OR4D9: variants seen among roughly 807,000 people sequenced by gnomAD.
OR4D9 encodes the protein olfactory receptor 4D9.
A neutral mutation model predicts 0.8 loss-of-function variants in OR4D9; 2 were observed. The ratio of observed to expected loss-of-function variants is 2.58; its 90% CI spans 1.06 to 8.13. The LOEUF is 8.13. Among genes scored for constraint, OR4D9 ranks in the 30% most tolerant of loss-of-function variants. OR4D9 has a pLI of 0.04. For missense variants in OR4D9, 399 were observed against 384.7 expected, an observed-to-expected ratio of 1.04 and a Z score of -0.31; for synonymous variants, 146 against 151.2, an observed-to-expected ratio of 0.97 and a Z score of 0.25.
In OR4D9 at chr11:59,514,968, A is replaced by T; in HGVS notation, c.56A>T (p.Gln19Leu). The change falls in exon 3 of 3, where the codon CAG (glutamine) becomes CTG (leucine). Residue 19 changes from glutamine (Q) to leucine (L), a missense_variant. Gln to Leu is a moderately radical substitution (Grantham distance 113, BLOSUM62 -2). Coordinates refer to ENST00000641962, the MANE Select transcript of OR4D9 (RefSeq NM_001004711.2). ...VKEFTFLGIT[Q>L]SRELSQVLFT... ...GAATTTACCTTCCTGGGAATTACTC[A>T]GTCCCGAGAACTGAGCCAGGTCTTA... The T allele has an allele frequency of 6.2e-7, 1 of 1,614,074 alleles. No individual in the cohort carries two copies. Among genetic ancestry groups the T allele is most frequent in the Non-Finnish European group, 8.5e-7 (1 of 1,179,956 alleles).
rs920453300 is a variant in OR4D9 at position 59,515,963 on chromosome 11, T to A, written c.*106T>A. 5.0e-6 allele frequency: 4 copies of A among 803,744 alleles called. No individual in the cohort carries two copies. The African/African-American group carries it at 7.0e-5, about 14-fold the overall frequency. 49.8% of individuals were successfully genotyped at this position (803,744 alleles called of 1,614,324 possible). A position where few individuals can be genotyped will look rare whatever the true frequency, so the allele number is the denominator to read the frequency against. On this transcript the variant is annotated 3_prime_UTR_variant, in exon 3 of 3. Transcript: ENST00000641962. ...AACAAAGAGATACCTATGGCCACCA[T>A]CGAGTCCTAAAAGAAGTTATTCCAT...
rs939246418 is a variant in OR4D9 at position 59,516,013 on chromosome 11, T to C, written c.*156T>C. 1 of 613,566 alleles carries C rather than the reference T, an allele frequency of 1.6e-6. No homozygotes were observed. The highest frequency in any genetic ancestry group is 2.8e-6 in the Non-Finnish European group (1 of 354,982). 38.0% of individuals were successfully genotyped at this position (613,566 alleles called of 1,614,324 possible). On this transcript the variant is annotated 3_prime_UTR_variant, in exon 3 of 3. Coordinates refer to ENST00000641962, the MANE Select transcript of OR4D9 (RefSeq NM_001004711.2). ...TCATATATGTTGGGGACCACGTGGA[T>C]GATACTGCTCTAAGACAAAATCCAC...
intron 2 of OR4D9, 32 bp from the exon 3 acceptor site, chr11:59,514,851 A>G: frequency 3.7e-6 from 4 of 1,095,580 alleles, no homozygotes; most frequent in Admixed American, 4.3e-5. Flanking sequence ...GGACCTATCA[A>G]TATTATTTAA....
In OR4D9 at chr11:59,517,611, C is replaced by G. The variant is rs1859421157; in HGVS notation, c.*1754C>G. 6.6e-6 allele frequency: 1 copy of G among 152,174 alleles called. No individual in the cohort carries two copies. Among genetic ancestry groups the G allele is most frequent in the African/African-American group, 2.4e-5 (1 of 41,436 alleles). 9.4% of individuals were successfully genotyped at this position (152,174 alleles called of 1,614,324 possible). A position where few individuals can be genotyped will look rare whatever the true frequency, so the allele number is the denominator to read the frequency against. On this transcript the variant is annotated 3_prime_UTR_variant, in exon 3 of 3. Coordinates refer to ENST00000641962, the MANE Select transcript of OR4D9 (RefSeq NM_001004711.2). ...CTTTGGGAGGCTGAGGCGGGTGGAT[C>G]ACGAGGTTAGGAGATCGAGGCCAGC...
At chr11:59,514,848 T>A in intron 2 of OR4D9, 35 bp from the exon 3 acceptor site, 1 of 1,053,560 alleles carries the variant, frequency 9.5e-7, no homozygotes, top group East Asian at 2.4e-5. Flanking sequence ...TTAGGACCTA[T>A]CAATATTATT....
rs10896982 is a variant in OR4D9 at position 59,516,939 on chromosome 11, G to C, written c.*1082G>C. ...ACAAAATTAGCCAGGCTTGGTGGTG[G>C]GTGCCTGTAGTCCCAGCTACTGGGG... is the stretch of plus-strand genomic sequence containing the variant. On this transcript the variant is annotated 3_prime_UTR_variant, in exon 3 of 3. Transcript: ENST00000641962. 0.25 allele frequency: 37,629 copies of C among 151,832 alleles called. 5,016 individuals carry two copies. Among genetic ancestry groups the C allele is most frequent in the South Asian group, 0.39 (1,864 of 4,810 alleles). 9.4% of individuals were successfully genotyped at this position (151,832 alleles called of 1,614,324 possible).
rs899593466 is a variant in OR4D9, at chr11:59,517,225, A to G, written c.*1368A>G. On this transcript the variant is annotated 3_prime_UTR_variant, in exon 3 of 3. Coordinates refer to ENST00000641962, the MANE Select transcript of OR4D9 (RefSeq NM_001004711.2). Reference sequence around the variant, plus strand: ...ACTCCAGCCTGAGCAACAGATCAAGACACTTGTCAAAAAAAAAAAAGAAAA... The same window carrying G: ...ACTCCAGCCTGAGCAACAGATCAAGGCACTTGTCAAAAAAAAAAAAGAAAA... The G allele has an allele frequency of 3.4e-5, 5 of 148,138 alleles. No homozygotes were observed. The highest frequency in any genetic ancestry group is 1.2e-4 in the African/African-American group (5 of 40,766). The allele number at this position is 148,138 out of a possible 1,614,324, so 9.2% of individuals were successfully genotyped here.
chr11:59,515,329 G>T lies in OR4D9; in HGVS notation c.417G>T (p.Gly139=), dbSNP rs752326429. Residue 139 remains glycine, a synonymous_variant, in exon 3 of 3, where the codon GGG becomes GGT. Transcript: ENST00000641962. Reference sequence around the variant, plus strand: ...ACTATATGACCATCATGAGTAGGGGGCGATGCACAGGCCTCATCGTGGCTT... The same window carrying T: ...ACTATATGACCATCATGAGTAGGGGTCGATGCACAGGCCTCATCGTGGCTT... ...PLHYMTIMSR[G]RCTGLIVASW... The T allele has an allele frequency of 2.5e-6, 4 of 1,613,774 alleles. No homozygotes were observed. The highest frequency in any genetic ancestry group is 3.4e-6 in the Non-Finnish European group (4 of 1,179,882).
chr11:59,515,950 C>T lies in OR4D9; in HGVS notation c.*93C>T, dbSNP rs2134587127. 2.3e-6 allele frequency: 2 copies of T among 872,130 alleles called. No individual in the cohort carries two copies. Among genetic ancestry groups the T allele is most frequent in the Non-Finnish European group, 3.4e-6 (2 of 581,240 alleles). The allele number at this position is 872,130 out of a possible 1,614,324, so 54.0% of individuals were successfully genotyped here. The stretch of plus-strand genomic sequence containing the variant: ...TGTTCATGCCCAAAACAAAGAGATA[C>T]CTATGGCCACCATCGAGTCCTAAAA... On this transcript the variant is annotated 3_prime_UTR_variant, in exon 3 of 3. Coordinates refer to ENST00000641962, the MANE Select transcript of OR4D9 (RefSeq NM_001004711.2).
In OR4D9 at chr11:59,515,069, T is replaced by C. The variant is rs1411328832; in HGVS notation, c.157T>C (p.Ser53Pro). ...FLIMVTVTCESHLHTPMYFLL... is the reference protein window; with the variant it reads ...FLIMVTVTCEPHLHTPMYFLL... ...CATCATGGTTACAGTTACCTGTGAA[T>C]CTCACCTTCATACGCCCATGTACTT... Residue 53 changes from serine (S) to proline (P), a missense_variant, in exon 3 of 3, where the codon TCT (serine) becomes CCT (proline). Physicochemically the swap from Ser to Pro is moderately conservative, Grantham distance 74 (BLOSUM62 -1). Transcript: ENST00000641962. 5 of 1,614,148 alleles carry C rather than the reference T, an allele frequency of 3.1e-6. No individual in the cohort carries two copies. The highest frequency in any genetic ancestry group is 4.2e-6 in the Non-Finnish European group (5 of 1,180,024).
At position 59,519,368 on chromosome 11, in the gene OR4D9, A is replaced by T. The variant is rs546376073; in HGVS notation, c.*3511A>T. On this transcript the variant is annotated 3_prime_UTR_variant, in exon 3 of 3. Coordinates refer to ENST00000641962, the MANE Select transcript of OR4D9 (RefSeq NM_001004711.2). ...GACCCTGTCTCAAAAAAAAAAAAAG[A>T]AAAAGTTTGCTGGAAAGGCAACTAG... The T allele has an allele frequency of 6.6e-6, 1 of 152,152 alleles. No individual in the cohort carries two copies. The highest frequency in any genetic ancestry group is 2.4e-5 in the African/African-American group (1 of 41,452). The allele number at this position is 152,152 out of a possible 1,614,324, so 9.4% of individuals were successfully genotyped here.
At position 59,513,003 on chromosome 11, in the gene OR4D9, G is replaced by C. The variant is rs1476593814; in HGVS notation, c.-125+1257G>C. On this transcript the variant is annotated intron_variant, in intron 1 of 2. Coordinates refer to ENST00000641962, the MANE Select transcript of OR4D9 (RefSeq NM_001004711.2). ...AAGTGTTATAAATGATAAATGTTAT[G>C]TTTGTTAGTTAAAACTTTATACTGA... Among the ~76,000 whole-genome samples, 10 of 152,214 alleles carry C rather than the reference G, an allele frequency of 6.6e-5. No individual in the cohort carries two copies. The East Asian group carries it at 1.5e-3, about 23-fold the overall frequency.
chr11:59,518,191 A>T lies in OR4D9; in HGVS notation c.*2334A>T, dbSNP rs1420482765. 6.6e-6 allele frequency: 1 copy of T among 152,228 alleles called. No individual in the cohort carries two copies. Among genetic ancestry groups the T allele is most frequent in the Non-Finnish European group, 1.5e-5 (1 of 68,050 alleles). 9.4% of individuals were successfully genotyped at this position (152,228 alleles called of 1,614,324 possible). A position where few individuals can be genotyped will look rare whatever the true frequency, so the allele number is the denominator to read the frequency against. On this transcript the variant is annotated 3_prime_UTR_variant, in exon 3 of 3. Coordinates refer to ENST00000641962, the MANE Select transcript of OR4D9 (RefSeq NM_001004711.2). ...TGCTAAGATCTATTGACTTCACCAT[A>T]CTGTGTTCCCCACTATGATAAAGCT...
rs1209196092 is a variant in OR4D9 at position 59,517,806 on chromosome 11, G to T, written c.*1949G>T. 2.0e-5 allele frequency: 3 copies of T among 152,134 alleles called. No homozygotes were observed. The highest frequency in any genetic ancestry group is 7.2e-5 in the African/African-American group (3 of 41,388). 9.4% of individuals were successfully genotyped at this position (152,134 alleles called of 1,614,324 possible). A position where few individuals can be genotyped will look rare whatever the true frequency, so the allele number is the denominator to read the frequency against. ...AGATTGTGCCACTGCACTCCAGCCT[G>T]GGCGACAGAGCGAGACTCCAACTCA... On this transcript the variant is annotated 3_prime_UTR_variant, in exon 3 of 3. Transcript: ENST00000641962.
chr11:59,515,367 G>C lies in OR4D9; in HGVS notation c.455G>C (p.Gly152Ala). The C allele has an allele frequency of 6.2e-7, 1 of 1,613,968 alleles. No homozygotes were observed. The highest frequency in any genetic ancestry group is 8.5e-7 in the Non-Finnish European group (1 of 1,179,994). Reference protein sequence around the residue: ...TGLIVASWVGGFVHSIAQISL... With the variant: ...TGLIVASWVGAFVHSIAQISL... ...CTCATCGTGGCTTCCTGGGTGGGGG[G>C]CTTTGTCCACTCCATAGCGCAGATT... Residue 152 changes from glycine to alanine, a missense_variant, in exon 3 of 3, where the codon GGC becomes GCC. Physicochemically the swap from Gly to Ala is moderately conservative, Grantham distance 60. Transcript: ENST00000641962.
intron 1 of OR4D9, among the ~76,000 whole-genome samples, chr11:59,512,307 T>C (rs1238410178): frequency 3.4e-5 from 5 of 146,914 alleles, no homozygotes; most frequent in African/African-American, 1.0e-4. Flanking sequence ...TTTCTTTTTT[T>C]TTTTTTTTTG....
rs1859416537 is a variant in OR4D9 at position 59,517,217 on chromosome 11, AGATC to A, written c.*1361_*1364del. On this transcript the variant is annotated 3_prime_UTR_variant, in exon 3 of 3. Transcript: ENST00000641962. ...TTCACTGCACTCCAGCCTGAGCAAC[AGATC>A]AAGACACTTGTCAAAAAAAAAAAAG... The A allele has an allele frequency of 6.6e-6, 1 of 151,522 alleles. No individual in the cohort carries two copies. Among genetic ancestry groups the A allele is most frequent in the Non-Finnish European group, 1.5e-5 (1 of 67,812 alleles). 9.4% of individuals were successfully genotyped at this position (151,522 alleles called of 1,614,324 possible).
At chr11:59,512,439 T>C (rs1465942695) in intron 1 of OR4D9, among the ~76,000 whole-genome samples, 6 of 137,962 alleles carry the variant, frequency 4.3e-5, no homozygotes, top group Admixed American at 7.8e-5. Context: ...ATTGTGCCAC[T>C]GCACTCCAGC....
intron 1 of OR4D9, among the ~76,000 whole-genome samples, chr11:59,512,580 T>C (rs1024248014): frequency 6.6e-6 from 1 of 151,758 alleles, no homozygotes; most frequent in Non-Finnish European, 1.5e-5. Flanking sequence ...TCTCAGCACT[T>C]TGGGAGGTCC....
Sources: gnomAD v4.1 joint callset for allele counts (sites outside exome capture counted in the v4.1 genomes callset) on GRCh38, gnomAD v4.1.1 for gene constraint, MANE v1.5 for transcripts, NCBI Gene and HGNC (gene_info 2026-07-23, HGNC 2026-07-21) for gene names.